ME3: variants seen among roughly 807,000 people sequenced by gnomAD.
ME3 encodes the protein NADP-dependent malic enzyme, mitochondrial.
Under a neutral mutation model 68.9 loss-of-function variants are expected in ME3, and 48 were observed. The ratio of observed to expected loss-of-function variants is 0.70; its 90% CI spans 0.55 to 0.89. ME3 has a LOEUF of 0.89. Among genes scored for constraint, ME3 ranks in the 40% least tolerant of loss-of-function variants. The pLI is 0.00. For missense variants in ME3, 675 were observed against 797.4 expected, an observed-to-expected ratio of 0.85 and a Z score of 1.85; for synonymous variants, 320 against 318.8, an observed-to-expected ratio of 1.00 and a Z score of -0.04.
intron 4 of ME3, among the ~76,000 whole-genome samples, chr11:86,552,536 T>C (rs543807981): frequency 6.6e-6 from 1 of 152,266 alleles, no homozygotes; most frequent in Admixed American, 6.5e-5. Flanking sequence ...AATAATCCCA[T>C]CCTGTCAATT....
intron 2 of ME3, among the ~76,000 whole-genome samples, chr11:86,560,748 G>GTGTGTATATATATATA (rs1243025217): frequency 1.6e-5 from 1 of 62,530 alleles, no homozygotes; most frequent in African/African-American, 5.9e-5. Flanking sequence ...GTGTGTGTGT[G>GTGTGTATATATATATA]TATATATATA....
chr11:86,660,324 C>A (rs1946192086), intron 2 of ME3, among the ~76,000 whole-genome samples: 1 of 152,238 alleles, frequency 6.6e-6, no homozygotes, highest in African/African-American at 2.4e-5. Context: ...ACATCTGTGA[C>A]TTCTGCAGCC....
intron 2 of ME3, among the ~76,000 whole-genome samples, chr11:86,651,052 C>G (rs1040186313): frequency 4.6e-5 from 7 of 152,322 alleles, no homozygotes; most frequent in South Asian, 2.1e-4. Flanking sequence ...GGGGGAGGGG[C>G]ACCCGCCATT....
intron 4 of ME3, among the ~76,000 whole-genome samples, chr11:86,515,557 A>G (rs1475798537): frequency 6.6e-6 from 1 of 152,182 alleles, no homozygotes; most frequent in African/African-American, 2.4e-5. Context: ...AGAATCAAAC[A>G]AGGCAAATTT....
At chr11:86,551,016 G>A (rs1391530848) in intron 4 of ME3, among the ~76,000 whole-genome samples, 3 of 151,852 alleles carry the variant, frequency 2.0e-5, no homozygotes, top group African/African-American at 7.3e-5. Flanking sequence ...GGCTGGTGGA[G>A]GTGGTTGAAG....
intron 2 of ME3, among the ~76,000 whole-genome samples, chr11:86,667,203 A>C (rs1372968843): frequency 6.6e-6 from 1 of 152,184 alleles, no homozygotes; most frequent in East Asian, 1.9e-4. Context: ...TTGACTAAGC[A>C]CACTTTCCAT....
intron 4 of ME3, among the ~76,000 whole-genome samples, chr11:86,551,918 A>C (rs2139418336): frequency 6.6e-6 from 1 of 152,340 alleles, no homozygotes; most frequent in East Asian, 1.9e-4. Context: ...CCGATCTCTG[A>C]TTCCTCACAC....
chr11:86,507,599 A>C (rs1331933693), intron 5 of ME3, among the ~76,000 whole-genome samples: 2 of 151,738 alleles, frequency 1.3e-5, no homozygotes, highest in African/African-American at 2.4e-5. Context: ...AACCCCTCAA[A>C]CTCCTCCATA....
At chr11:86,567,247 G>GAAAGAAAGGAAGA (rs1565150092) in intron 2 of ME3, among the ~76,000 whole-genome samples, 86 of 32,798 alleles carry the variant, frequency 2.6e-3, no homozygotes, top group Middle Eastern at 0.031. Context: ...AGAAAGAAAG[G>GAAAGAAAGGAAGA]AAGGAAGGAA....
At chr11:86,512,688 C>T (rs1456986484) in intron 4 of ME3, among the ~76,000 whole-genome samples, 1 of 152,022 alleles carries the variant, frequency 6.6e-6, no homozygotes, top group Non-Finnish European at 1.5e-5. Context: ...GGTAGATGAA[C>T]CAGGAAAGAG....
intron 2 of ME3, among the ~76,000 whole-genome samples, chr11:86,604,327 T>C (rs919643485): frequency 3.9e-5 from 6 of 152,016 alleles, no homozygotes; most frequent in African/African-American, 1.4e-4. Flanking sequence ...AACCAGTCTT[T>C]CAGGTTAAAT....
chr11:86,438,283 T>C (rs575360825), downstream of ME3, among the ~76,000 whole-genome samples: 2 of 152,314 alleles, frequency 1.3e-5, no homozygotes, highest in African/African-American at 2.4e-5. Flanking sequence ...AACAACCATA[T>C]TGAACAATTT....
chr11:86,588,387 A>G (rs1958860646), intron 2 of ME3, among the ~76,000 whole-genome samples: 1 of 152,190 alleles, frequency 6.6e-6, no homozygotes, highest in Non-Finnish European at 1.5e-5. Flanking sequence ...TTACTTAACT[A>G]ATTTTCTGGG....
At chr11:86,638,663 A>G (rs1223582993) in intron 2 of ME3, among the ~76,000 whole-genome samples, 1 of 152,222 alleles carries the variant, frequency 6.6e-6, no homozygotes, top group Admixed American at 6.5e-5. Flanking sequence ...TGTGTCAGAT[A>G]TTGTGTTAAA....
intron 2 of ME3, among the ~76,000 whole-genome samples, chr11:86,596,433 A>G (rs1959465248): frequency 6.6e-6 from 1 of 152,194 alleles, no homozygotes; most frequent in Non-Finnish European, 1.5e-5. Context: ...TCTATTTTCA[A>G]AGTACAGGTT....
chr11:86,464,127 A>T, intron 8 of ME3: 1 of 450,066 alleles, frequency 2.2e-6, no homozygotes. Flanking sequence ...TGGAGAAGTC[A>T]TCTGCAAAAT....
chr11:86,636,648 G>C (rs141346931), intron 2 of ME3, among the ~76,000 whole-genome samples: 1 of 152,330 alleles, frequency 6.6e-6, no homozygotes, highest in East Asian at 1.9e-4. Flanking sequence ...CAGTCCAGTA[G>C]AACATGCACA....
chr11:86,468,021 C>A (rs930874127), intron 7 of ME3, among the ~76,000 whole-genome samples: 29 of 152,136 alleles, frequency 1.9e-4, no homozygotes, highest in Non-Finnish European at 2.9e-5. Flanking sequence ...GGGTAACCAT[C>A]CCCTGGCTGC....
chr11:86,492,231 C>T (rs772216353), intron 6 of ME3, among the ~76,000 whole-genome samples: 36 of 152,200 alleles, frequency 2.4e-4, no homozygotes, highest in East Asian at 3.9e-4. Context: ...CTCATTCATC[C>T]GCATCTCCCC....
Sources: gnomAD v4.1 joint callset for allele counts (sites outside exome capture counted in the v4.1 genomes callset) on GRCh38, gnomAD v4.1.1 for gene constraint, MANE v1.5 for transcripts, NCBI Gene and HGNC (gene_info 2026-07-23, HGNC 2026-07-21) for gene names.